The following CYP7B1 variants were observed in gnomAD, a reference collection of about 807,000 sequenced individuals.
CYP7B1 encodes cytochrome P450 7B1.
CYP7B1 carries 29 observed loss-of-function variants against 42.7 expected under a neutral mutation model. That is an observed-to-expected ratio of 0.68 (90% CI 0.51 to 0.93). The LOEUF (loss-of-function observed/expected upper bound fraction) is 0.93, where lower values mean the gene tolerates loss of function less well. Ranked by LOEUF, CYP7B1 falls within the 40% of genes least tolerant of loss-of-function variation. The pLI is 0.00. For missense variants in CYP7B1, 655 were observed against 600.5 expected (o/e 1.09, Z -0.95); for synonymous variants, 235 against 218.2 (o/e 1.08, Z -0.68).
chr8:64,593,761 A>C lies in CYP7B1; in HGVS notation c.*2881T>G, dbSNP rs1344135575. ...ACAGAATTAGATCCACAAAACACCA[A>C]TGATTTGGAAATATCAGATACAGAA... On this transcript the variant is annotated 3_prime_UTR_variant, in exon 6 of 6. Transcript: ENST00000310193. 6.6e-6 allele frequency among the ~76,000 whole-genome samples: 1 copy of C among 152,208 alleles called. No homozygotes were observed. Among genetic ancestry groups the C allele is most frequent in the South Asian group, 2.1e-4 (1 of 4,836 alleles).
At chr8:64,653,478 T>A (rs947325193) in intron 1 of CYP7B1, among the ~76,000 whole-genome samples, 12 of 152,218 alleles carry the variant, frequency 7.9e-5, no homozygotes, top group African/African-American at 2.7e-4. Flanking sequence ...AACAGACCAA[T>A]AATGAGCTCT....
intron 1 of CYP7B1, among the ~76,000 whole-genome samples, chr8:64,726,123 T>C (rs116496519): frequency 0.011 from 1,748 of 152,320 alleles, 41 homozygotes; most frequent in African/African-American, 0.038. Context: ...TATAGATCCC[T>C]TTTATGGAAC....
chr8:64,624,671 C>G, intron 1 of CYP7B1, 132 bp from the exon 2 acceptor site: 5 of 1,026,204 alleles, frequency 4.9e-6, no homozygotes, highest in Non-Finnish European at 7.1e-6. Flanking sequence ...TTCTCTTACT[C>G]AGTGATTCTT....
chr8:64,611,811 T>C (rs1404983067), intron 4 of CYP7B1, among the ~76,000 whole-genome samples: 2 of 152,118 alleles, frequency 1.3e-5, no homozygotes, highest in South Asian at 2.1e-4. Context: ...CTCTTTTCAC[T>C]GGTGAGTCAT....
intron 1 of CYP7B1, among the ~76,000 whole-genome samples, chr8:64,689,859 C>T (rs955555489): frequency 2.0e-5 from 3 of 152,172 alleles, no homozygotes; most frequent in South Asian, 2.1e-4. Flanking sequence ...TGAGCGACCA[C>T]GCCCGGCCTG....
intron 2 of CYP7B1, among the ~76,000 whole-genome samples, chr8:64,618,376 AAC>A (rs1258933076): frequency 6.6e-6 from 1 of 152,076 alleles, no homozygotes; most frequent in Non-Finnish European, 1.5e-5. Context: ...CAGTTAGTAA[AAC>A]ACACAATATT....
At chr8:64,639,056 T>C (rs991707966) in intron 1 of CYP7B1, among the ~76,000 whole-genome samples, 41 of 152,004 alleles carry the variant, frequency 2.7e-4, no homozygotes, top group African/African-American at 9.7e-4. Flanking sequence ...TCCTCAGAAA[T>C]AGCTGGATTT....
rs1805103514 is a variant in CYP7B1 at position 64,595,490 on chromosome 8, T to G, written c.*1152A>C. On this transcript the variant is annotated 3_prime_UTR_variant, in exon 6 of 6. Coordinates refer to ENST00000310193, the MANE Select transcript of CYP7B1 (RefSeq NM_004820.5). The stretch of plus-strand genomic sequence containing the variant: ...ATGCCAATCATGTGGTACTCTGATA[T>G]TAGAATCTTTGAATCACTGGGCTTG... Among the ~76,000 whole-genome samples, 1 of 152,212 alleles carries G rather than the reference T, an allele frequency of 6.6e-6. No homozygotes were observed. The highest frequency in any genetic ancestry group is 2.1e-4 in the South Asian group (1 of 4,830).
chr8:64,782,165 G>A (rs1804437249), intron 1 of CYP7B1, among the ~76,000 whole-genome samples: 1 of 152,108 alleles, frequency 6.6e-6, no homozygotes, highest in South Asian at 2.1e-4. Flanking sequence ...CTGCAAGAAG[G>A]TCCCAGTGTA....
Position 64,753,763 on chromosome 8 carries a change from G to A in CYP7B1, c.122+44703C>T, listed in dbSNP as rs575172853. Among the ~76,000 whole-genome samples, 33 of 152,362 alleles carry A rather than the reference G, an allele frequency of 2.2e-4. No homozygotes were observed. The South Asian group carries it at 3.5e-3, about 16-fold the overall frequency. Reference sequence around the variant, plus strand: ...CAGGGTGAGAGGACTGCTTTAGAAAGGATGGCGAGGAGAGGCCTCTCTGAG... The same window carrying A: ...CAGGGTGAGAGGACTGCTTTAGAAAAGATGGCGAGGAGAGGCCTCTCTGAG... On this transcript the variant is annotated intron_variant, in intron 1 of 5. Coordinates refer to ENST00000310193, the MANE Select transcript of CYP7B1 (RefSeq NM_004820.5).
intron 1 of CYP7B1, among the ~76,000 whole-genome samples, chr8:64,625,713 G>A (rs958263069): frequency 2.6e-5 from 4 of 152,156 alleles, no homozygotes; most frequent in African/African-American, 9.7e-5. Flanking sequence ...GTCAATTACT[G>A]ATTATTTTGT....
intron 2 of CYP7B1, among the ~76,000 whole-genome samples, chr8:64,623,690 A>C (rs1805564878): frequency 6.6e-6 from 1 of 152,180 alleles, no homozygotes; most frequent in African/African-American, 2.4e-5. Context: ...GTACTTTATT[A>C]AAGTCTGAAG....
At chr8:64,786,388 C>A (rs1804526897) in intron 1 of CYP7B1, among the ~76,000 whole-genome samples, 1 of 152,176 alleles carries the variant, frequency 6.6e-6, no homozygotes, top group African/African-American at 2.4e-5. Flanking sequence ...TACACCCATT[C>A]CAAATGGGAG....
intron 1 of CYP7B1, among the ~76,000 whole-genome samples, chr8:64,700,321 C>T (rs764036762): frequency 1.3e-5 from 2 of 152,048 alleles, no homozygotes; most frequent in African/African-American, 2.4e-5. Context: ...ATCCTAGTAA[C>T]GGTGGCCACT....
intron 1 of CYP7B1, among the ~76,000 whole-genome samples, chr8:64,640,668 A>G (rs1014675327): frequency 2.6e-5 from 4 of 152,136 alleles, no homozygotes; most frequent in Non-Finnish European, 5.9e-5. Context: ...ACAAATAAGG[A>G]AACAGAATCA....
At chr8:64,730,852 A>G (rs1807398194) in intron 1 of CYP7B1, among the ~76,000 whole-genome samples, 1 of 151,834 alleles carries the variant, frequency 6.6e-6, no homozygotes, top group African/African-American at 2.4e-5. Flanking sequence ...TGTAATCCCC[A>G]CATACTAGGG....
At position 64,703,678 on chromosome 8, in the gene CYP7B1, C is replaced by T. The variant is rs537242398; in HGVS notation, c.123-79139G>A. 12 of 152,100 alleles carry T rather than the reference C, an allele frequency of 7.9e-5. No homozygotes were observed. In the East Asian group the frequency reaches 1.2e-3, roughly 15 times the overall value. 9.4% of individuals were successfully genotyped at this position (152,100 alleles called of 1,614,324 possible). ...AATATATGAATATTTAGAAAACAAACTGACACGTGATTGTTTTAATCTGGT... is the reference window on the plus strand; with the variant it reads ...AATATATGAATATTTAGAAAACAAATTGACACGTGATTGTTTTAATCTGGT... On this transcript the variant is annotated intron_variant, in intron 1 of 5. Coordinates refer to ENST00000310193, the MANE Select transcript of CYP7B1 (RefSeq NM_004820.5).
rs141838167 is a variant in CYP7B1 at position 64,688,125 on chromosome 8, A to G, written c.123-63586T>C. 2.1e-4 allele frequency among the ~76,000 whole-genome samples: 32 copies of G among 152,342 alleles called. No homozygotes were observed. The East Asian group carries it at 3.9e-3, about 18-fold the overall frequency. On this transcript the variant is annotated intron_variant, in intron 1 of 5. Coordinates refer to ENST00000310193, the MANE Select transcript of CYP7B1 (RefSeq NM_004820.5). Reference sequence around the variant, plus strand: ...AGCATAAAACACTTTCTTGGACTCAATGAGAGCACTGCTGATAATACAGAT... The same window carrying G: ...AGCATAAAACACTTTCTTGGACTCAGTGAGAGCACTGCTGATAATACAGAT...
At chr8:64,776,255 A>T (rs188929414) in intron 1 of CYP7B1, among the ~76,000 whole-genome samples, 9 of 152,200 alleles carry the variant, frequency 5.9e-5, no homozygotes, top group Admixed American at 1.3e-4. Context: ...TTCTAAAGTC[A>T]TCCTTTGACA....
Sources: gnomAD v4.1 joint callset for allele counts (sites outside exome capture counted in the v4.1 genomes callset) on GRCh38, gnomAD v4.1.1 for gene constraint, MANE v1.5 for transcripts, NCBI Gene and HGNC (gene_info 2026-07-23, HGNC 2026-07-21) for gene names.